LMTK3: variants seen among roughly 807,000 people sequenced by gnomAD.
LMTK3 encodes the protein lemur tail kinase 3.
Under a neutral mutation model 116.7 loss-of-function variants are expected in LMTK3, and 27 were observed. That is an observed-to-expected ratio of 0.23 (90% CI 0.17 to 0.32). The LOEUF is 0.32. Among genes scored for constraint, LMTK3 ranks in the 10% least tolerant of loss-of-function variants. The probability of loss-of-function intolerance (pLI) is 1.00; values close to 1 mark genes in which losing one functional copy is unlikely to be tolerated. For missense variants in LMTK3, 1,764 were observed against 2,068.5 expected (o/e 0.85, Z 2.86); for synonymous variants, 965 against 971.0 (o/e 0.99, Z 0.11).
intron 5 of LMTK3, among the ~76,000 whole-genome samples, chr19:48,507,254 A>G (rs1972586152): frequency 6.6e-6 from 1 of 152,224 alleles, no homozygotes; most frequent in African/African-American, 2.4e-5. Flanking sequence ...CGTGCTAGGC[A>G]GGATGATGAT....
chr19:48,488,736 C>T (rs1972167810), intron 14 of LMTK3, among the ~76,000 whole-genome samples: 1 of 102,234 alleles, frequency 9.8e-6, no homozygotes, highest in African/African-American at 4.4e-5. Context: ...AGTTAAATTA[C>T]ACTTTTTTTT....
At chr19:48,485,920 T>A in intron 14 of LMTK3, 131 bp from the exon 15 acceptor site, 1 of 877,914 alleles carries the variant, frequency 1.1e-6, no homozygotes. Flanking sequence ...TCCCTCTCTG[T>A]CCTCACCTAC....
Position 48,498,964 on chromosome 19 carries a change from T to C in LMTK3, c.2105A>G (p.His702Arg). The change falls in exon 11 of 15, where the codon CAC becomes CGC. Residue 702 changes from histidine to arginine, a missense_variant. By Grantham distance (29) the His-to-Arg change is conservative (BLOSUM62 0). This residue lies in a region of LMTK3 where 1,028 missense variants were observed against 1,050.6 expected (regional missense o/e 0.98). Transcript: ENST00000600059. ...CAGCGAGGAGTCGTCCTCGGGGGGG[T>C]GGGGGCAGCCAAGAGCAGGGTGGCC... ...WGGHPALGCP[H>R]PPEDDSSLRA... 1 of 1,132,360 alleles carries C rather than the reference T, an allele frequency of 8.8e-7. No individual in the cohort carries two copies. The highest frequency in any genetic ancestry group is 3.1e-5 in the South Asian group (1 of 31,752). The allele number at this position is 1,132,360 out of a possible 1,614,324, so 70.1% of individuals were successfully genotyped here. A position where few individuals can be genotyped will look rare whatever the true frequency, so the allele number is the denominator to read the frequency against.
chr19:48,511,052 C>T lies in LMTK3; in HGVS notation c.76+449G>A, dbSNP rs1169721946. ...CCCAGTTTGTGGGGTTGAGATCTGT[C>T]TCTTTTAGGGACGCTTGGCGCACAC... is the stretch of plus-strand genomic sequence containing the variant. On this transcript the variant is annotated intron_variant, in intron 1 of 14. Transcript: ENST00000600059. Among the ~76,000 whole-genome samples the T allele has an allele frequency of 3.3e-5, 5 of 152,290 alleles. No individual in the cohort carries two copies. The South Asian group carries it at 1.0e-3, about 32-fold the overall frequency.
rs1569103123 is a variant in LMTK3, at chr19:48,498,529, G to A, written c.2540C>T (p.Pro847Leu). 1 of 1,573,088 alleles carries A rather than the reference G, an allele frequency of 6.4e-7. No homozygotes were observed. The highest frequency in any genetic ancestry group is 8.6e-7 in the Non-Finnish European group (1 of 1,159,186). ...AACCACGAAGGTCGGCTTCTCCCGG[G>A]GCCCCGGGAGTGGGAGCGGACCCGG... ...PDPGPLPLPG[P>L]REKPTFVVQV... Residue 847 changes from proline (P) to leucine (L), a missense_variant, in exon 11 of 15, where the codon CCC (proline) becomes CTC (leucine). Around this residue, in one of 7 missense-constraint regions of LMTK3, gnomAD observed 1,028 missense variants for 1,050.6 expected, o/e 0.98. Coordinates refer to ENST00000600059, the MANE Select transcript of LMTK3 (RefSeq NM_001388485.1).
intron 5 of LMTK3, among the ~76,000 whole-genome samples, chr19:48,507,405 C>G (rs891271720): frequency 6.6e-6 from 1 of 152,134 alleles, no homozygotes; most frequent in Non-Finnish European, 1.5e-5. Flanking sequence ...CACTTGTGCT[C>G]GGGTAACGAG....
Position 48,498,843 on chromosome 19 carries a change from GGGC to G in LMTK3, c.2223_2225del (p.Pro742del). The G allele has an allele frequency of 8.0e-7, 1 of 1,249,772 alleles. No homozygotes were observed. Among genetic ancestry groups the G allele is most frequent in the Non-Finnish European group, 1.0e-6 (1 of 979,032 alleles). 77.4% of individuals were successfully genotyped at this position (1,249,772 alleles called of 1,614,324 possible). On this transcript the variant is annotated inframe_deletion, in exon 11 of 15. Coordinates refer to ENST00000600059, the MANE Select transcript of LMTK3 (RefSeq NM_001388485.1). ...GAGGTGGCCCCCGCCCGGGGTACTG[GGGC>G]GCCGCCGCCCCCATGAGGGGGTCCA...
At chr19:48,488,920 G>A (rs1219673979) in intron 14 of LMTK3, among the ~76,000 whole-genome samples, 1 of 152,054 alleles carries the variant, frequency 6.6e-6, no homozygotes, top group Non-Finnish European at 1.5e-5. Flanking sequence ...TGTACTTTTA[G>A]TAGAGACAGG....
chr19:48,493,648 C>G (rs1043704917), intron 12 of LMTK3, 46 bp downstream of exon 12: 3 of 1,521,878 alleles, frequency 2.0e-6, no homozygotes, highest in African/African-American at 1.4e-5. Flanking sequence ...GGCTCCTGCT[C>G]CCTCCAGGCC....
Position 48,502,438 on chromosome 19 carries a change from C to T in LMTK3, c.789G>A (p.Val263=), listed in dbSNP as rs1303037337. 5.6e-6 allele frequency: 9 copies of T among 1,610,648 alleles called. No individual in the cohort carries two copies. In the South Asian group the frequency reaches 7.7e-5, roughly 14 times the overall value. ...GLAHLHSHNY[V]HSDLALRNCL... ...CGGCTCCCCGGCCCGCCCACCTGTGCACGTAGTTGTGGGAATGCAGGTGCG... is the reference window on the plus strand; with the variant it reads ...CGGCTCCCCGGCCCGCCCACCTGTGTACGTAGTTGTGGGAATGCAGGTGCG... The change falls in exon 7 of 15, where the codon GTG becomes GTA. Residue 263 remains valine, a synonymous_variant. Transcript: ENST00000600059.
chr19:48,503,376 C>T (rs898661922), intron 5 of LMTK3, among the ~76,000 whole-genome samples: 1 of 152,028 alleles, frequency 6.6e-6, no homozygotes, highest in Non-Finnish European at 1.5e-5. Flanking sequence ...TCAGTTTCCT[C>T]ACCTCGGAGT....
chr19:48,493,922 GTCC>G lies in LMTK3; in HGVS notation c.3861_3863del (p.Glu1287del), dbSNP rs781463728. 4,131 of 1,030,594 alleles carry G rather than the reference GTCC, an allele frequency of 4.0e-3. 14 individuals are homozygous for G. The highest frequency in any genetic ancestry group is 0.019 in the Middle Eastern group (40 of 2,156). 63.8% of individuals were successfully genotyped at this position (1,030,594 alleles called of 1,614,324 possible). ...CCGCGCCCGGCGCCGCCGCCTCCTC[GTCC>G]TCCTCCTCGTCCTCGTCCTCGTCCT... On this transcript the variant is annotated inframe_deletion, in exon 12 of 15. Coordinates refer to ENST00000600059, the MANE Select transcript of LMTK3 (RefSeq NM_001388485.1).
Position 48,499,129 on chromosome 19 carries a change from CCCT to C in LMTK3, c.1937_1939del (p.Glu646del), listed in dbSNP as rs751490115. 171 of 1,549,192 alleles carry C rather than the reference CCCT, an allele frequency of 1.1e-4. No individual in the cohort carries two copies. The highest frequency in any genetic ancestry group is 2.6e-4 in the South Asian group (22 of 83,644). On this transcript the variant is annotated inframe_deletion, in exon 11 of 15. Coordinates refer to ENST00000600059, the MANE Select transcript of LMTK3 (RefSeq NM_001388485.1). The stretch of plus-strand genomic sequence containing the variant: ...GCTGCTGTCTTCCCCTGGGGAGCTG[CCCT>C]CCTCCTCCTCCTCTTCTTCTTCCAC...
rs1236319175 is a variant in LMTK3, at chr19:48,491,056, C to T, written c.4366+52G>A. The T allele has an allele frequency of 3.5e-5, 43 of 1,239,346 alleles. No homozygotes were observed. The highest frequency in any genetic ancestry group is 2.1e-4 in the Middle Eastern group (1 of 4,710). The allele number at this position is 1,239,346 out of a possible 1,614,324, so 76.8% of individuals were successfully genotyped here. ...TGGTCACAAGAAGTTGGCAGTGGAA[C>T]ATAGGGGGACAGAGATGGGCAGAGG... On this transcript the variant is annotated intron_variant, in intron 14 of 14. Coordinates refer to ENST00000600059, the MANE Select transcript of LMTK3 (RefSeq NM_001388485.1). The surrounding 1 kb of genome is among the most constrained non-coding windows in gnomAD (Gnocchi z 5.1).
Position 48,498,745 on chromosome 19 carries a change from G to A in LMTK3, c.2324C>T (p.Ala775Val). ...GAGGCCTGAACCGGGACTGGCCACG[G>A]CCGAAGGGGGGTCGGGGGACGCGGC... is the stretch of plus-strand genomic sequence containing the variant. ...DPAASPDPPS[A>V]VASPGSGLSS... Residue 775 changes from alanine to valine, a missense_variant, in exon 11 of 15, where the codon GCC becomes GTC. Physicochemically the swap from Ala to Val is moderately conservative, Grantham distance 64 (BLOSUM62 0). Transcript: ENST00000600059. 1 of 1,516,024 alleles carries A rather than the reference G, an allele frequency of 6.6e-7. No individual in the cohort carries two copies. The highest frequency in any genetic ancestry group is 8.8e-7 in the Non-Finnish European group (1 of 1,137,568). 93.9% of individuals were successfully genotyped at this position (1,516,024 alleles called of 1,614,324 possible).
In LMTK3 at chr19:48,499,605, G is replaced by T; in HGVS notation, c.1464C>A (p.Ala488=). Residue 488 remains alanine, a synonymous_variant, in exon 11 of 15, where the codon GCC becomes GCA. Transcript: ENST00000600059. ...ECLWEKARRG[A]GRGGGAPAWQ... Reference sequence around the variant, plus strand: ...AGGCAGGTGCCCCCCCACCCCGGCCGGCCCCACGCCGGGCCTTCTCCCACA... The same window carrying T: ...AGGCAGGTGCCCCCCCACCCCGGCCTGCCCCACGCCGGGCCTTCTCCCACA... 1 of 1,541,820 alleles carries T rather than the reference G, an allele frequency of 6.5e-7. No homozygotes were observed. The highest frequency in any genetic ancestry group is 1.2e-5 in the South Asian group (1 of 83,722).
chr19:48,503,948 A>G (rs1972519773), intron 5 of LMTK3, among the ~76,000 whole-genome samples: 1 of 150,706 alleles, frequency 6.6e-6, no homozygotes, highest in African/African-American at 2.4e-5. Context: ...GCTCACTGCA[A>G]CCTCCACCTC....
At position 48,508,906 on chromosome 19, in the gene LMTK3, C is replaced by A; in HGVS notation, c.502G>T (p.Ala168Ser). Residue 168 changes from alanine to serine, a missense_variant, in exon 5 of 15, where the codon GCC (alanine) becomes TCC (serine). Ala to Ser is a moderately conservative substitution (Grantham distance 99, BLOSUM62 1). Coordinates refer to ENST00000600059, the MANE Select transcript of LMTK3 (RefSeq NM_001388485.1). ...CGTTGCTCCAGGGGCCCCGCGCTGG[C>A]TCGGAGCTCCTTCACCACCACCTGG... is the stretch of plus-strand genomic sequence containing the variant. Reference protein sequence around the residue: ...PAQVVVKELRASAGPLEQRKF... With the variant: ...PAQVVVKELRSSAGPLEQRKF... 1 of 1,613,646 alleles carries A rather than the reference C, an allele frequency of 6.2e-7. No individual in the cohort carries two copies.
In LMTK3 at chr19:48,500,987, A is replaced by G; in HGVS notation, c.1151+9T>C. 2 of 1,495,438 alleles carry G rather than the reference A, an allele frequency of 1.3e-6. No individual in the cohort carries two copies. Among genetic ancestry groups the G allele is most frequent in the Non-Finnish European group, 1.8e-6 (2 of 1,126,442 alleles). The allele number at this position is 1,495,438 out of a possible 1,614,324, so 92.6% of individuals were successfully genotyped here. A position where few individuals can be genotyped will look rare whatever the true frequency, so the allele number is the denominator to read the frequency against. On this transcript the variant is annotated intron_variant, in intron 10 of 14. Transcript: ENST00000600059. This position sits in a 1 kb window ranked among gnomAD's most constrained non-coding sequence, Gnocchi z 4.0. The stretch of plus-strand genomic sequence containing the variant: ...GCAGGCCAGGAGCCCCGGGTGGGCT[A>G]GCCCTCACCAGTAGTCCGCGTAAGG...
Sources: gnomAD v4.1 joint callset for allele counts (sites outside exome capture counted in the v4.1 genomes callset) on GRCh38, gnomAD v4.1.1 for gene constraint, gnomAD v4.1.1 regional missense constraint, Gnocchi (gnomAD v3.1) non-coding constraint, MANE v1.5 for transcripts, NCBI Gene and HGNC (gene_info 2026-07-23, HGNC 2026-07-21) for gene names.